The following ARHGAP35 variants were observed in gnomAD, a reference collection of about 807,000 sequenced individuals.
The protein encoded by ARHGAP35 is rho GTPase-activating protein 35.
In ARHGAP35, 15 loss-of-function variants were observed where a neutral mutation model predicts 111.1. The ratio of observed to expected loss-of-function variants is 0.13; its 90% CI spans 0.09 to 0.21. ARHGAP35 has a LOEUF of 0.21. ARHGAP35 is among the 10% of genes least tolerant of loss of function. The pLI is 1.00. For missense variants in ARHGAP35, 1,262 were observed against 1,873.0 expected, an observed-to-expected ratio of 0.67 and a Z score of 6.02; for synonymous variants, 643 against 710.3, an observed-to-expected ratio of 0.91 and a Z score of 1.51.
rs1449206494 is a variant in ARHGAP35 at position 46,919,635 on chromosome 19, G to A, written c.960G>A (p.Leu320=). 1 of 1,613,942 alleles carries A rather than the reference G, an allele frequency of 6.2e-7. No individual in the cohort carries two copies. Among genetic ancestry groups the A allele is most frequent in the Non-Finnish European group, 8.5e-7 (1 of 1,179,850 alleles). The change falls in exon 2 of 7, where the codon CTG becomes CTA. Residue 320 remains leucine (L), a synonymous_variant. Transcript: ENST00000672722. This position sits in a 1 kb window ranked among gnomAD's most constrained non-coding sequence, Gnocchi z 6.2. ...YLEGTQKAKK[L]FLQHIHRLKH... is the part of the protein sequence containing the mutation. Reference sequence around the variant, plus strand: ...AAGGGACTCAGAAAGCCAAGAAGCTGTTTCTACAGCACATCCACCGCCTCA... The same window carrying A: ...AAGGGACTCAGAAAGCCAAGAAGCTATTTCTACAGCACATCCACCGCCTCA...
rs144428083 is a variant in ARHGAP35, at chr19:46,961,966, GAGAA to G, written c.3826+24562_3826+24565del. On this transcript the variant is annotated intron_variant, in intron 3 of 6. Transcript: ENST00000672722. ...AGAGAAAGAAAGAAAAAGAGAGAAA[GAGAA>G]AGAGAGAAAGGAAGGAAGGAAGGGA... is the stretch of plus-strand genomic sequence containing the variant. 7.8e-3 allele frequency among the ~76,000 whole-genome samples: 1,183 copies of G among 151,824 alleles called. 6 individuals carry two copies. Among genetic ancestry groups the G allele is most frequent in the African/African-American group, 0.027 (1,108 of 41,428 alleles).
Position 46,986,930 on chromosome 19 carries a change from GC to G in ARHGAP35, c.3827-1058del, listed in dbSNP as rs1344535030. Among the ~76,000 whole-genome samples the G allele has an allele frequency of 1.3e-5, 2 of 152,212 alleles. No homozygotes were observed. Among genetic ancestry groups the G allele is most frequent in the African/African-American group, 2.4e-5 (1 of 41,464 alleles). ...CACAACCTCCACCTCCTGGGTTCAA[GC>G]AATTCTTCTGCCTCAGCCTCCCGAG... On this transcript the variant is annotated intron_variant, in intron 3 of 6. Coordinates refer to ENST00000672722, the MANE Select transcript of ARHGAP35 (RefSeq NM_004491.5). The surrounding 1 kb of genome is among the most constrained non-coding windows in gnomAD (Gnocchi z 4.3).
At chr19:46,911,074 A>G (rs936863016) in intron 1 of ARHGAP35, among the ~76,000 whole-genome samples, 1 of 152,154 alleles carries the variant, frequency 6.6e-6, no homozygotes, top group Admixed American at 6.5e-5. Flanking sequence ...CCGACTGCCC[A>G]TCTCATCTTC....
At position 46,919,895 on chromosome 19, in the gene ARHGAP35, T is replaced by C. The variant is rs2056187619; in HGVS notation, c.1220T>C (p.Met407Thr). The C allele has an allele frequency of 6.2e-7, 1 of 1,613,988 alleles. No homozygotes were observed. Among genetic ancestry groups the C allele is most frequent in the Non-Finnish European group, 8.5e-7 (1 of 1,179,890 alleles). The change falls in exon 2 of 7, where the codon ATG becomes ACG. Residue 407 changes from methionine (M) to threonine (T), a missense_variant. By Grantham distance (81) the Met-to-Thr change is moderately conservative (BLOSUM62 -1). Around this residue, in one of 8 missense-constraint regions of ARHGAP35, gnomAD observed 328 missense variants for 440.8 expected, o/e 0.74. Transcript: ENST00000672722. This position sits in a 1 kb window ranked among gnomAD's most constrained non-coding sequence, Gnocchi z 6.2. ...AACGAACGGATTCCCTTTGATTTAA[T>C]GGATACCGTCCCTGCAGAGCAGCTA... ...MENERIPFDL[M>T]DTVPAEQLYE... is the part of the protein sequence containing the mutation.
Position 47,000,303 on chromosome 19 carries a change from T to C in ARHGAP35, c.4143-28T>C. ...GGCCAGGTGGGGCCCTGCACAGTTC[T>C]GACCATTGAGTTTGGTGTCGCCCGC... On this transcript the variant is annotated intron_variant, in intron 6 of 6. Coordinates refer to ENST00000672722, the MANE Select transcript of ARHGAP35 (RefSeq NM_004491.5). The surrounding 1 kb of genome is among the most constrained non-coding windows in gnomAD (Gnocchi z 6.9). 1 of 1,609,002 alleles carries C rather than the reference T, an allele frequency of 6.2e-7. No homozygotes were observed. The highest frequency in any genetic ancestry group is 8.5e-7 in the Non-Finnish European group (1 of 1,177,176).
In ARHGAP35 at chr19:47,001,209, G is replaced by A. The variant is rs532126948; in HGVS notation, c.*521G>A. On this transcript the variant is annotated 3_prime_UTR_variant, in exon 7 of 7. Transcript: ENST00000672722. The surrounding 1 kb of genome is among the most constrained non-coding windows in gnomAD (Gnocchi z 5.4). ...GCCTCCTTGGGAACGTGTAGGCCACGGCTCTGCCACCACTAGGTACCTGCT... is the reference window on the plus strand; with the variant it reads ...GCCTCCTTGGGAACGTGTAGGCCACAGCTCTGCCACCACTAGGTACCTGCT... 2.7e-4 allele frequency: 342 copies of A among 1,271,318 alleles called. 1 individual carries two copies. The highest frequency in any genetic ancestry group is 1.9e-3 in the Middle Eastern group (6 of 3,078). The allele number at this position is 1,271,318 out of a possible 1,614,324, so 78.8% of individuals were successfully genotyped here. A position where few individuals can be genotyped will look rare whatever the true frequency, so the allele number is the denominator to read the frequency against.
At chr19:46,933,139 T>TC (rs1259668984) in intron 2 of ARHGAP35, among the ~76,000 whole-genome samples, 36 of 141,926 alleles carry the variant, frequency 2.5e-4, no homozygotes, top group Non-Finnish European at 4.6e-4. Context: ...TGTGCCTTCT[T>TC]TTTTTTTTTT....
rs184479629 is a variant in ARHGAP35 at position 46,867,369 on chromosome 19, G to A, written c.-189+6160G>A. ...GCATTCTTACTTGGATGATGCCCTC[G>A]TCCTGGCCACTGTAGTAAACTGGTA... On this transcript the variant is annotated intron_variant, in intron 1 of 6. Coordinates refer to ENST00000672722, the MANE Select transcript of ARHGAP35 (RefSeq NM_004491.5). Among the ~76,000 whole-genome samples, 44 of 152,172 alleles carry A rather than the reference G, an allele frequency of 2.9e-4. No individual in the cohort carries two copies. The East Asian group carries it at 7.9e-3, about 27-fold the overall frequency.
chr19:46,866,610 C>G (rs1370278906), intron 1 of ARHGAP35, among the ~76,000 whole-genome samples: 1 of 152,154 alleles, frequency 6.6e-6, no homozygotes, highest in African/African-American at 2.4e-5. Context: ...GAGCTTAGGA[C>G]TAAGCTCCTG....
chr19:46,864,659 TC>T (rs1163199721), intron 1 of ARHGAP35, among the ~76,000 whole-genome samples: 1 of 152,250 alleles, frequency 6.6e-6, no homozygotes, highest in African/African-American at 2.4e-5. Flanking sequence ...ATTTGTATGG[TC>T]CCTTGAACTT....
intron 1 of ARHGAP35, among the ~76,000 whole-genome samples, chr19:46,884,868 C>T (rs1329759620): frequency 1.3e-5 from 2 of 152,108 alleles, no homozygotes; most frequent in Non-Finnish European, 2.9e-5. Context: ...GGTGCGCACC[C>T]ACCATGCCTG....
intron 1 of ARHGAP35, among the ~76,000 whole-genome samples, chr19:46,912,503 A>G (rs1044306693): frequency 1.3e-5 from 2 of 151,656 alleles, no homozygotes; most frequent in Non-Finnish European, 2.9e-5. Context: ...ACAGGTGCCC[A>G]CCACCTCGCC....
Position 46,989,319 on chromosome 19 carries a change from A to G in ARHGAP35, c.3905-225A>G. 2 of 485,006 alleles carry G rather than the reference A, an allele frequency of 4.1e-6. No individual in the cohort carries two copies. Among genetic ancestry groups the G allele is most frequent in the Non-Finnish European group, 7.4e-6 (2 of 269,466 alleles). 30.0% of individuals were successfully genotyped at this position (485,006 alleles called of 1,614,324 possible). A position where few individuals can be genotyped will look rare whatever the true frequency, so the allele number is the denominator to read the frequency against. ...GTAGCACCCCTGCCCCGAGAGTGGT[A>G]GAAGGGGCAGTTCAGCAGTCTCGGA... On this transcript the variant is annotated intron_variant, in intron 4 of 6. Transcript: ENST00000672722. This position sits in a 1 kb window ranked among gnomAD's most constrained non-coding sequence, Gnocchi z 5.3.
Position 46,922,010 on chromosome 19 carries a change from C to G in ARHGAP35, c.3335C>G (p.Thr1112Ser). 1 of 1,613,966 alleles carries G rather than the reference C, an allele frequency of 6.2e-7. No homozygotes were observed. Among genetic ancestry groups the G allele is most frequent in the Non-Finnish European group, 8.5e-7 (1 of 1,179,888 alleles). ...ATATACTCCGTGCCCCATGACAGCA[C>G]CCAAGGCAAAATCATCACCATTCGG... is the stretch of plus-strand genomic sequence containing the variant. ...ENIYSVPHDS[T>S]QGKIITIRNI... is the part of the protein sequence containing the mutation. The change falls in exon 2 of 7, where the codon ACC (threonine) becomes AGC (serine). Residue 1112 changes from threonine (T) to serine (S), a missense_variant. Coordinates refer to ENST00000672722, the MANE Select transcript of ARHGAP35 (RefSeq NM_004491.5). This position sits in a 1 kb window ranked among gnomAD's most constrained non-coding sequence, Gnocchi z 4.0.
At chr19:46,980,953 ATGAT>A (rs745355094) in intron 3 of ARHGAP35, among the ~76,000 whole-genome samples, 17 of 152,252 alleles carry the variant, frequency 1.1e-4, no homozygotes, top group Non-Finnish European at 2.5e-4. Flanking sequence ...AAATGGAGAC[ATGAT>A]TGCTTTGATT....
intron 3 of ARHGAP35, among the ~76,000 whole-genome samples, chr19:46,984,507 T>G (rs1047910886): frequency 6.6e-6 from 1 of 152,232 alleles, no homozygotes; most frequent in Non-Finnish European, 1.5e-5. Context: ...CTTGGTGGTG[T>G]TTGCAGCCTG....
At position 46,883,326 on chromosome 19, in the gene ARHGAP35, T is replaced by A. The variant is rs113246832; in HGVS notation, c.-189+22117T>A. 2.4e-4 allele frequency among the ~76,000 whole-genome samples: 37 copies of A among 151,894 alleles called. 1 individual carries two copies. Among genetic ancestry groups the A allele is most frequent in the African/African-American group, 8.9e-4 (37 of 41,356 alleles). Reference sequence around the variant, plus strand: ...TGTTGGCCAGGCTCGTCTCGAACTCTTGACCTCAGGTGATCCGCCCGCCTT... The same window carrying A: ...TGTTGGCCAGGCTCGTCTCGAACTCATGACCTCAGGTGATCCGCCCGCCTT... On this transcript the variant is annotated intron_variant, in intron 1 of 6. Coordinates refer to ENST00000672722, the MANE Select transcript of ARHGAP35 (RefSeq NM_004491.5).
intron 1 of ARHGAP35, among the ~76,000 whole-genome samples, chr19:46,875,232 C>T (rs1045334413): frequency 1.3e-5 from 2 of 152,070 alleles, no homozygotes; most frequent in Non-Finnish European, 2.9e-5. Context: ...ATCATTCTTT[C>T]TGTTGTCGGG....
At chr19:46,894,085 ACT>A (rs2056040663) in intron 1 of ARHGAP35, among the ~76,000 whole-genome samples, 1 of 149,220 alleles carries the variant, frequency 6.7e-6, no homozygotes, top group South Asian at 2.1e-4. Context: ...TTTAAGCACA[ACT>A]CTCTCCCTTG....
Sources: gnomAD v4.1 joint callset for allele counts (sites outside exome capture counted in the v4.1 genomes callset) on GRCh38, gnomAD v4.1.1 for gene constraint, gnomAD v4.1.1 regional missense constraint, Gnocchi (gnomAD v3.1) non-coding constraint, MANE v1.5 for transcripts, NCBI Gene and HGNC (gene_info 2026-07-23, HGNC 2026-07-21) for gene names.